Variants in SAFB2 observed in about 807,000 individuals in gnomAD.
SAFB2 encodes the protein scaffold attachment factor B2.
A neutral mutation model predicts 100.6 loss-of-function variants in SAFB2; 32 were observed. That is an observed-to-expected ratio of 0.32 (90% confidence interval 0.24 to 0.43). SAFB2 has a LOEUF of 0.43. SAFB2 is among the 20% of genes least tolerant of loss of function. The pLI is 1.00. For synonymous variants in SAFB2, 500 were observed against 439.4 expected (o/e 1.14, Z -1.72); for missense variants, 1,185 against 1,163.4 (o/e 1.02, Z -0.27).
intron 9 of SAFB2, among the ~76,000 whole-genome samples, chr19:5,608,748 T>C (rs536761010): frequency 9.9e-5 from 15 of 152,198 alleles, no homozygotes; most frequent in African/African-American, 3.1e-4. Context: ...GCAGTGCCAA[T>C]TGCTTACCAG....
chr19:5,614,398 A>C (rs77802850), intron 4 of SAFB2, among the ~76,000 whole-genome samples: 1 of 152,196 alleles, frequency 6.6e-6, no homozygotes, highest in Admixed American at 6.5e-5. Context: ...GCACTCCCAA[A>C]TATTTTCTTT....
At chr19:5,604,979 A>G (rs753312377) in intron 9 of SAFB2, 43 bp from the exon 10 acceptor site, 4 of 1,594,888 alleles carry the variant, frequency 2.5e-6, no homozygotes, top group African/African-American at 1.3e-5. Flanking sequence ...ACAAATGACC[A>G]CACAACTTGC....
chr19:5,609,328 T>C (rs1376210120), intron 9 of SAFB2, among the ~76,000 whole-genome samples: 1 of 141,974 alleles, frequency 7.0e-6, no homozygotes, highest in African/African-American at 2.6e-5. Context: ...TTTTATGACA[T>C]AGTCTCGCTC....
intron 9 of SAFB2, among the ~76,000 whole-genome samples, chr19:5,607,848 G>A (rs1283353471): frequency 1.3e-5 from 2 of 152,200 alleles, no homozygotes; most frequent in Non-Finnish European, 2.9e-5. Context: ...TGACGTCCTT[G>A]GTTTTGACCA....
intron 4 of SAFB2, chr19:5,613,863 T>C: frequency 6.7e-6 from 3 of 445,282 alleles, no homozygotes; most frequent in Non-Finnish European, 8.9e-6. Flanking sequence ...CTCAAAATGA[T>C]AAAATGCACC....
intron 2 of SAFB2, among the ~76,000 whole-genome samples, chr19:5,618,238 T>C (rs534535191): frequency 6.6e-6 from 1 of 152,196 alleles, no homozygotes; most frequent in East Asian, 1.9e-4. Context: ...GGCGGGCGCC[T>C]GTAGTCTCAG....
At chr19:5,598,654 G>T in intron 13 of SAFB2, 139 bp downstream of exon 13, 2 of 699,280 alleles carry the variant, frequency 2.9e-6, no homozygotes, top group Non-Finnish European at 5.1e-6. Context: ...GTCTGTATCC[G>T]CAATCTACAC....
At chr19:5,590,208 CT>C in intron 18 of SAFB2, 69 bp downstream of exon 18, 1 of 1,323,170 alleles carries the variant, frequency 7.6e-7, no homozygotes, top group Non-Finnish European at 1.0e-6. Flanking sequence ...GGGGACGTGC[CT>C]GGCCAGGCAC....
chr19:5,590,493 C>G, intron 17 of SAFB2, 85 bp from the exon 18 acceptor site: 1 of 1,430,814 alleles, frequency 7.0e-7, no homozygotes, highest in Non-Finnish European at 9.3e-7. Context: ...ACTGCAGGCC[C>G]CAGGGTGGCA....
Position 5,594,168 on chromosome 19 carries a change from G to C in SAFB2, c.1930C>G (p.Gln644Glu). 1 of 1,594,854 alleles carries C rather than the reference G, an allele frequency of 6.3e-7. No individual in the cohort carries two copies. Among genetic ancestry groups the C allele is most frequent in the Non-Finnish European group, 8.5e-7 (1 of 1,176,516 alleles). Residue 644 changes from glutamine (Q) to glutamate (E), a missense_variant, in exon 15 of 21, where the codon CAG becomes GAG. By Grantham distance (29) the Gln-to-Glu change is conservative. Coordinates refer to ENST00000252542, the MANE Select transcript of SAFB2 (RefSeq NM_014649.3). The part of the protein sequence containing the change: ...RETERRRERE[Q>E]REREQRLEAF... ...TCGAGGCGTTGCTCCCGCTCCCGCT[G>C]CTCGCGCTCCCTGCGGGGACAGGTG...
chr19:5,603,018 C>T (rs1481496833), intron 11 of SAFB2, among the ~76,000 whole-genome samples: 2 of 150,166 alleles, frequency 1.3e-5, no homozygotes, highest in Non-Finnish European at 3.0e-5. Context: ...ACCTATAATC[C>T]CAGTCTTTTG....
intron 9 of SAFB2, among the ~76,000 whole-genome samples, chr19:5,606,849 T>A (rs888478907): frequency 6.6e-6 from 1 of 152,212 alleles, no homozygotes; most frequent in African/African-American, 2.4e-5. Context: ...AAACATTCAA[T>A]TCCTTCAGGA....
In SAFB2 at chr19:5,595,373, G is replaced by A. The variant is rs772926891; in HGVS notation, c.1907C>T (p.Thr636Met). Residue 636 changes from threonine to methionine, a missense_variant, in exon 14 of 21, where the codon ACG becomes ATG. This residue lies in a region of SAFB2 where 740 missense variants were observed against 687.1 expected (regional missense o/e 1.08). Transcript: ENST00000252542. ...QRQREREIRETERRREREQRE... is the reference protein window; with the variant it reads ...QRQREREIREMERRREREQRE... ...CAGCTCCACTCACCGCCGCCTCTCC[G>A]TTTCGCGGATCTCCCGTTCCCGCTG... 6.8e-6 allele frequency: 11 copies of A among 1,610,710 alleles called. No individual in the cohort carries two copies. Among genetic ancestry groups the A allele is most frequent in the Admixed American group, 1.7e-5 (1 of 59,974 alleles).
chr19:5,593,603 G>T (rs1599232113), intron 15 of SAFB2: 1 of 387,344 alleles, frequency 2.6e-6, no homozygotes, highest in Non-Finnish European at 4.6e-6. Context: ...TGCTCCACGG[G>T]TAAGTGGAGA....
At chr19:5,604,437 C>A in intron 11 of SAFB2, 146 bp downstream of exon 11, 1 of 613,036 alleles carries the variant, frequency 1.6e-6, no homozygotes, top group Non-Finnish European at 2.9e-6. Flanking sequence ...GGCAGCAGAA[C>A]ACAAAAATCA....
chr19:5,595,253 G>A lies in SAFB2; in HGVS notation c.1919+108C>T. 3 of 1,412,904 alleles carry A rather than the reference G, an allele frequency of 2.1e-6. No homozygotes were observed. In the East Asian group the frequency reaches 6.9e-5, roughly 32 times the overall value. 87.5% of individuals were successfully genotyped at this position (1,412,904 alleles called of 1,614,324 possible). ...GTTAAGCACGACACCCGCCAGCCCA[G>A]GCACTGGCTCTCGGGCACACAGACT... On this transcript the variant is annotated intron_variant, in intron 14 of 20. Coordinates refer to ENST00000252542, the MANE Select transcript of SAFB2 (RefSeq NM_014649.3).
At chr19:5,592,226 G>C (rs1029416698) in intron 16 of SAFB2, among the ~76,000 whole-genome samples, 1 of 152,142 alleles carries the variant, frequency 6.6e-6, no homozygotes, top group Non-Finnish European at 1.5e-5. Context: ...CAATGAATGG[G>C]GAAATGGGTC....
chr19:5,598,101 C>T (rs1354488323), intron 13 of SAFB2, among the ~76,000 whole-genome samples: 4 of 146,176 alleles, frequency 2.7e-5, no homozygotes, highest in East Asian at 4.0e-4. Context: ...CGCCACTGCA[C>T]TCCAGCCTGA....
chr19:5,613,434 T>G, intron 5 of SAFB2, 31 bp downstream of exon 5: 2 of 1,583,228 alleles, frequency 1.3e-6, no homozygotes, highest in Non-Finnish European at 1.7e-6. Context: ...GATTAACATT[T>G]CCAGCGATGC....
Sources: gnomAD v4.1 joint callset for allele counts (sites outside exome capture counted in the v4.1 genomes callset) on GRCh38, gnomAD v4.1.1 for gene constraint, gnomAD v4.1.1 regional missense constraint, MANE v1.5 for transcripts, NCBI Gene and HGNC (gene_info 2026-07-23, HGNC 2026-07-21) for gene names.